The following SHC3 variants were observed in gnomAD, a reference collection of about 807,000 sequenced individuals.
SHC3 encodes the protein SHC adaptor protein 3.
Under a neutral mutation model 60.4 loss-of-function variants are expected in SHC3, and 15 were observed. The ratio of observed to expected loss-of-function variants is 0.25; its 90% CI spans 0.17 to 0.38. The LOEUF (loss-of-function observed/expected upper bound fraction) is 0.38, where lower values mean the gene tolerates loss of function less well. Among genes scored for constraint, SHC3 ranks in the 10% least tolerant of loss-of-function variants. SHC3 has a pLI of 1.00. For missense variants in SHC3, 677 were observed against 786.1 expected (o/e 0.86, Z 1.66); for synonymous variants, 294 against 325.9 (o/e 0.90, Z 1.05).
At chr9:89,158,720 A>G (rs1187584325) in intron 1 of SHC3, among the ~76,000 whole-genome samples, 1 of 152,228 alleles carries the variant, frequency 6.6e-6, no homozygotes, top group Admixed American at 6.5e-5. Flanking sequence ...GTTCATACAC[A>G]TGCTTTGTTT....
intron 11 of SHC3, among the ~76,000 whole-genome samples, chr9:89,028,062 GT>G (rs1826350333): frequency 6.6e-6 from 1 of 152,228 alleles, no homozygotes; most frequent in Admixed American, 6.5e-5. Flanking sequence ...GAGGAGGATG[GT>G]GACCCTAAGT....
intron 11 of SHC3, among the ~76,000 whole-genome samples, chr9:89,035,215 C>T: frequency 6.6e-6 from 1 of 152,188 alleles, no homozygotes; most frequent in East Asian, 1.9e-4. Context: ...CTCTGCCGGA[C>T]TTTGTCAGCC....
At chr9:89,050,571 C>T (rs138814704) in intron 7 of SHC3, among the ~76,000 whole-genome samples, 1,573 of 152,298 alleles carry the variant, frequency 0.01, 21 homozygotes, top group Non-Finnish European at 0.013. Context: ...CAGGTGTGAG[C>T]CACTGTGCCC....
chr9:89,155,903 T>G (rs1008451778), intron 1 of SHC3, among the ~76,000 whole-genome samples: 1 of 152,230 alleles, frequency 6.6e-6, no homozygotes, highest in African/African-American at 2.4e-5. Context: ...AAATTCCATC[T>G]TTTATCATCA....
At chr9:89,024,794 C>T (rs1826262682) in intron 11 of SHC3, among the ~76,000 whole-genome samples, 1 of 152,204 alleles carries the variant, frequency 6.6e-6, no homozygotes, top group African/African-American at 2.4e-5. Context: ...GCAGAGCCTC[C>T]TGCAGGGTGG....
chr9:89,051,202 G>C (rs749499630), intron 7 of SHC3, among the ~76,000 whole-genome samples: 1 of 152,178 alleles, frequency 6.6e-6, no homozygotes, highest in Non-Finnish European at 1.5e-5. Context: ...AAAAAGTATA[G>C]AGTAAATTTA....
chr9:89,068,397 T>C (rs962720751), intron 5 of SHC3, among the ~76,000 whole-genome samples: 1 of 152,230 alleles, frequency 6.6e-6, no homozygotes, highest in East Asian at 1.9e-4. Flanking sequence ...AAGTGACATG[T>C]ACACTTAGCA....
chr9:89,050,023 A>G (rs746265859), intron 7 of SHC3, among the ~76,000 whole-genome samples: 22 of 152,234 alleles, frequency 1.4e-4, no homozygotes, highest in Non-Finnish European at 1.8e-4. Flanking sequence ...TATCAATTAC[A>G]TGCTTCCCTT....
intron 5 of SHC3, among the ~76,000 whole-genome samples, chr9:89,067,336 G>T (rs989587612): frequency 6.6e-6 from 1 of 152,182 alleles, no homozygotes; most frequent in East Asian, 1.9e-4. Context: ...GGGTTGGACA[G>T]GTGTCTTCTC....
chr9:89,027,386 C>T (rs1826332980), intron 11 of SHC3, among the ~76,000 whole-genome samples: 2 of 143,348 alleles, frequency 1.4e-5, no homozygotes, highest in Admixed American at 1.4e-4. Context: ...GTGGCACGAT[C>T]TCGGCTCACT....
intron 6 of SHC3, among the ~76,000 whole-genome samples, chr9:89,052,911 A>G (rs1824884409): frequency 6.6e-6 from 1 of 152,228 alleles, no homozygotes; most frequent in Non-Finnish European, 1.5e-5. Flanking sequence ...TGCTTGAAGC[A>G]GGCACCAGCT....
At chr9:89,170,724 C>G (rs560783271) in intron 1 of SHC3, among the ~76,000 whole-genome samples, 2 of 152,158 alleles carry the variant, frequency 1.3e-5, no homozygotes, top group African/African-American at 4.8e-5. Context: ...TTTTTAAATA[C>G]ATGATAAAAA....
chr9:89,093,441 C>G (rs1338237016), intron 2 of SHC3, among the ~76,000 whole-genome samples: 2 of 151,192 alleles, frequency 1.3e-5, no homozygotes, highest in Non-Finnish European at 2.9e-5. Context: ...AATCAAGAAT[C>G]AAGAATTTGG....
At chr9:89,094,958 A>G (rs1825680129) in intron 2 of SHC3, among the ~76,000 whole-genome samples, 1 of 152,188 alleles carries the variant, frequency 6.6e-6, no homozygotes, top group Non-Finnish European at 1.5e-5. Flanking sequence ...AACCAAACAA[A>G]CAAACAAAAA....
At chr9:89,128,473 A>C (rs1826195706) in intron 1 of SHC3, among the ~76,000 whole-genome samples, 1 of 152,182 alleles carries the variant, frequency 6.6e-6, no homozygotes. Flanking sequence ...CTGATCCCTG[A>C]GCAGCCTAAC....
intron 6 of SHC3, among the ~76,000 whole-genome samples, chr9:89,056,130 G>A (rs1235599837): frequency 6.6e-6 from 1 of 152,198 alleles, no homozygotes; most frequent in Non-Finnish European, 1.5e-5. Flanking sequence ...TCTTGAATGT[G>A]GAAGGGCTGA....
intron 1 of SHC3, among the ~76,000 whole-genome samples, chr9:89,173,355 C>A (rs1826896669): frequency 6.6e-6 from 1 of 152,256 alleles, no homozygotes; most frequent in Admixed American, 6.5e-5. Flanking sequence ...GTGTTTGCTG[C>A]CCAGGCTTTC....
chr9:89,109,841 T>C, intron 2 of SHC3: 1 of 985,496 alleles, frequency 1.0e-6, no homozygotes. Flanking sequence ...ACATGATTAC[T>C]CAGCTAACTT....
intron 1 of SHC3, among the ~76,000 whole-genome samples, chr9:89,152,418 C>A (rs1350069098): frequency 6.6e-6 from 1 of 152,216 alleles, no homozygotes; most frequent in Non-Finnish European, 1.5e-5. Flanking sequence ...TTTACGTTTT[C>A]AAAATCCTTC....
Sources: gnomAD v4.1 joint callset for allele counts (sites outside exome capture counted in the v4.1 genomes callset) on GRCh38, gnomAD v4.1.1 for gene constraint, MANE v1.5 for transcripts, NCBI Gene and HGNC (gene_info 2026-07-23, HGNC 2026-07-21) for gene names.